Variants in THSD4 observed in about 807,000 individuals in gnomAD.
THSD4 encodes thrombospondin type-1 domain-containing protein 4.
A neutral mutation model predicts 119.0 loss-of-function variants in THSD4; 69 were observed. The observed-to-expected ratio is 0.58, with a 90% CI of 0.48 to 0.71. The LOEUF is 0.71. THSD4 is among the 30% of genes least tolerant of loss of function. The probability of loss-of-function intolerance (pLI) is 0.00; values close to 1 mark genes in which losing one functional copy is unlikely to be tolerated. For synonymous variants in THSD4, 524 were observed against 540.4 expected, an observed-to-expected ratio of 0.97 and a Z score of 0.42; for missense variants, 1,393 against 1,391.1, an observed-to-expected ratio of 1.00 and a Z score of -0.02.
intron 8 of THSD4, among the ~76,000 whole-genome samples, chr15:71,674,449 T>C (rs529576845): frequency 7.2e-5 from 11 of 152,194 alleles, no homozygotes; most frequent in Non-Finnish European, 1.5e-4. Context: ...GTCAACCCTA[T>C]TAGTTCCCAT....
At chr15:71,283,694 T>C (rs1322490048) in intron 6 of THSD4, among the ~76,000 whole-genome samples, 1 of 152,248 alleles carries the variant, frequency 6.6e-6, no homozygotes, top group African/African-American at 2.4e-5. Flanking sequence ...TAAGATCAGA[T>C]AGATCCAACA....
chr15:71,393,571 G>A (rs537282260), intron 6 of THSD4, among the ~76,000 whole-genome samples: 4 of 152,230 alleles, frequency 2.6e-5, no homozygotes, highest in African/African-American at 7.2e-5. Flanking sequence ...GTGTTTGTGC[G>A]TGAGCAGATG....
At chr15:71,212,555 C>T (rs1190330445) in intron 3 of THSD4, among the ~76,000 whole-genome samples, 1 of 152,190 alleles carries the variant, frequency 6.6e-6, no homozygotes, top group Non-Finnish European at 1.5e-5. Flanking sequence ...GTGCCAGAAA[C>T]ATATTTCTGC....
At chr15:71,301,881 G>A (rs1410060102) in intron 6 of THSD4, among the ~76,000 whole-genome samples, 2 of 152,150 alleles carry the variant, frequency 1.3e-5, no homozygotes, top group Non-Finnish European at 2.9e-5. Flanking sequence ...TCTTTGCAGT[G>A]CATGATGTTA....
At chr15:71,638,542 C>T (rs2050795132) in intron 7 of THSD4, among the ~76,000 whole-genome samples, 1 of 152,158 alleles carries the variant, frequency 6.6e-6, no homozygotes, top group African/African-American at 2.4e-5. Context: ...TTCTATATAA[C>T]AGAGAAAATC....
chr15:71,394,646 C>G (rs1359221767), intron 6 of THSD4, among the ~76,000 whole-genome samples: 2 of 152,190 alleles, frequency 1.3e-5, no homozygotes, highest in African/African-American at 4.8e-5. Context: ...GTCTTCCTCC[C>G]TACTCCTCCT....
chr15:71,267,735 A>G (rs1454974230), intron 6 of THSD4, among the ~76,000 whole-genome samples: 2 of 152,230 alleles, frequency 1.3e-5, no homozygotes, highest in Non-Finnish European at 2.9e-5. Context: ...GCTAAGACAC[A>G]CATAGGCTCA....
At chr15:71,672,878 G>T (rs968143923) in intron 8 of THSD4, among the ~76,000 whole-genome samples, 5 of 152,204 alleles carry the variant, frequency 3.3e-5, no homozygotes, top group African/African-American at 7.2e-5. Flanking sequence ...TGTGTTGCTG[G>T]ATTCGGTTTG....
chr15:71,724,287 A>ATATATATATATATACATATATATATATT, intron 8 of THSD4, among the ~76,000 whole-genome samples: 3 of 37,288 alleles, frequency 8.0e-5, no homozygotes, highest in Non-Finnish European at 1.8e-4. Flanking sequence ...ATATATATAT[A>ATATATATATATATACATATATATATATT]TTTTTTTTTT....
At chr15:71,341,480 C>T (rs900282977) in intron 6 of THSD4, 3 of 1,613,216 alleles carry the variant, frequency 1.9e-6, no homozygotes, top group Non-Finnish European at 2.5e-6. Flanking sequence ...ACCTTGTGTC[C>T]AGCCCCACTG....
intron 7 of THSD4, among the ~76,000 whole-genome samples, chr15:71,475,663 C>T (rs1041149358): frequency 3.4e-4 from 51 of 152,156 alleles, no homozygotes; most frequent in African/African-American, 1.2e-3. Flanking sequence ...TGGCTCATGC[C>T]TTTAGTCTTA....
chr15:71,563,841 C>T (rs1443998670), intron 7 of THSD4, among the ~76,000 whole-genome samples: 1 of 151,970 alleles, frequency 6.6e-6, no homozygotes, highest in Non-Finnish European at 1.5e-5. Flanking sequence ...CTCTTTATCC[C>T]GTGTGACAAA....
chr15:71,143,552 G>A (rs1224274306), intron 2 of THSD4, among the ~76,000 whole-genome samples: 1 of 152,074 alleles, frequency 6.6e-6, no homozygotes, highest in African/African-American at 2.4e-5. Context: ...AAGTCTGGCT[G>A]TCGTCAAAAA....
intron 7 of THSD4, among the ~76,000 whole-genome samples, chr15:71,571,587 C>G (rs1489540531): frequency 1.3e-5 from 2 of 152,184 alleles, no homozygotes; most frequent in Non-Finnish European, 2.9e-5. Flanking sequence ...TCGAAAAATG[C>G]CTGTATTTAG....
chr15:71,486,611 G>GTTTTTTTTTTTTTTTTT (rs200120589), intron 7 of THSD4, among the ~76,000 whole-genome samples: 2 of 131,710 alleles, frequency 1.5e-5, no homozygotes, highest in African/African-American at 2.9e-5. Context: ...TTTCTTTTCT[G>GTTTTTTTTTTTTTTTTT]TTTTTTTTTT....
In THSD4 at chr15:71,547,391, G is replaced by A. The variant is rs199820960; in HGVS notation, c.1153-113139G>A. 1.1e-3 allele frequency: 1,637 copies of A among 1,550,378 alleles called. 8 individuals are homozygous for A. Among genetic ancestry groups the A allele is most frequent in the South Asian group, 9.9e-3 (834 of 84,008 alleles). ...GCAGACGGAGTTCTCCTCTAGGGTA[G>A]TTCTAACTTTGGGTAATAATGTTTG... On this transcript the variant is annotated intron_variant, in intron 7 of 17. Transcript: ENST00000261862.
intron 7 of THSD4, among the ~76,000 whole-genome samples, chr15:71,560,489 G>C (rs1331669532): frequency 6.6e-6 from 1 of 152,222 alleles, no homozygotes; most frequent in Non-Finnish European, 1.5e-5. Flanking sequence ...TCTTTTGTGA[G>C]ATCAGGAACA....
chr15:71,730,920 T>G lies in THSD4; in HGVS notation c.1534-201T>G, dbSNP rs2052964784. 1.1e-5 allele frequency: 6 copies of G among 561,752 alleles called. No individual in the cohort carries two copies. The South Asian group carries it at 1.3e-4, about 12-fold the overall frequency. 34.8% of individuals were successfully genotyped at this position (561,752 alleles called of 1,614,324 possible). A position where few individuals can be genotyped will look rare whatever the true frequency, so the allele number is the denominator to read the frequency against. On this transcript the variant is annotated intron_variant, in intron 9 of 17. Coordinates refer to ENST00000261862, the MANE Select transcript of THSD4 (RefSeq NM_024817.3). Reference sequence around the variant, plus strand: ...CTTCTTCTGATTTGCTCGGCCTAAGTTCTTCATTCTTCAAAAGTAAATGAC... The same window carrying G: ...CTTCTTCTGATTTGCTCGGCCTAAGGTCTTCATTCTTCAAAAGTAAATGAC...
In THSD4 at chr15:71,696,222, C is replaced by T. The variant is rs149287193; in HGVS notation, c.1358-32327C>T. Among the ~76,000 whole-genome samples, 465 of 152,216 alleles carry T rather than the reference C, an allele frequency of 3.1e-3. 3 individuals carry two copies. Among genetic ancestry groups the T allele is most frequent in the African/African-American group, 0.011 (445 of 41,524 alleles). On this transcript the variant is annotated intron_variant, in intron 8 of 17. Transcript: ENST00000261862. ...AGGCCGAGAAGTTCAAGAGCATGGCCGTGGTTTTGGTGAGGGCTTTCGTGC... is the reference window on the plus strand; with the variant it reads ...AGGCCGAGAAGTTCAAGAGCATGGCTGTGGTTTTGGTGAGGGCTTTCGTGC...
Sources: gnomAD v4.1 joint callset for allele counts (sites outside exome capture counted in the v4.1 genomes callset) on GRCh38, gnomAD v4.1.1 for gene constraint, MANE v1.5 for transcripts, NCBI Gene and HGNC (gene_info 2026-07-23, HGNC 2026-07-21) for gene names.